SPAG16: variants seen among roughly 807,000 people sequenced by gnomAD.
SPAG16 encodes the protein sperm-associated antigen 16 protein.
Under a neutral mutation model 80.4 loss-of-function variants are expected in SPAG16, and 86 were observed. The ratio of observed to expected loss-of-function variants is 1.07; its 90% CI spans 0.90 to 1.28. The LOEUF (loss-of-function observed/expected upper bound fraction) is 1.28. Among genes scored for constraint, SPAG16 ranks in the 50% most tolerant of loss-of-function variants. The pLI is 0.00. For missense variants in SPAG16, 870 were observed against 765.3 expected, an observed-to-expected ratio of 1.14 and a Z score of -1.61; for synonymous variants, 294 against 265.9, an observed-to-expected ratio of 1.11 and a Z score of -1.03.
At chr2:214,310,216 T>C (rs1695198518) in intron 15 of SPAG16, among the ~76,000 whole-genome samples, 1 of 152,050 alleles carries the variant, frequency 6.6e-6, no homozygotes, top group Non-Finnish European at 1.5e-5. Flanking sequence ...TATATTTATT[T>C]TTTCCTCCCT....
intron 15 of SPAG16, among the ~76,000 whole-genome samples, chr2:214,333,664 G>A (rs1035084220): frequency 2.6e-5 from 4 of 152,184 alleles, no homozygotes; most frequent in Non-Finnish European, 5.9e-5. Flanking sequence ...TAGATTTCCT[G>A]TGCTTAGGTA....
intron 10 of SPAG16, among the ~76,000 whole-genome samples, chr2:213,712,440 C>A (rs968697145): frequency 6.6e-6 from 1 of 152,150 alleles, no homozygotes; most frequent in African/African-American, 2.4e-5. Context: ...ACACTGCAGA[C>A]AGTAGTCAGG....
chr2:213,669,658 A>C (rs187637829), intron 10 of SPAG16, among the ~76,000 whole-genome samples: 2 of 152,204 alleles, frequency 1.3e-5, no homozygotes, highest in African/African-American at 2.4e-5. Flanking sequence ...ATCTAGTCCT[A>C]TGGTTTTCAC....
At chr2:213,492,505 G>C (rs948550373) in intron 10 of SPAG16, among the ~76,000 whole-genome samples, 1 of 151,850 alleles carries the variant, frequency 6.6e-6, no homozygotes, top group Non-Finnish European at 1.5e-5. Context: ...AGCCAAGATC[G>C]TGCCACTGCC....
chr2:213,355,063 G>A (rs2065555965), intron 7 of SPAG16, among the ~76,000 whole-genome samples: 1 of 152,172 alleles, frequency 6.6e-6, no homozygotes, highest in Admixed American at 6.5e-5. Flanking sequence ...AAGGGATCCA[G>A]TTTCAGTTTT....
At chr2:213,757,309 A>G (rs1011358243) in intron 10 of SPAG16, among the ~76,000 whole-genome samples, 8 of 152,160 alleles carry the variant, frequency 5.3e-5, no homozygotes, top group African/African-American at 1.9e-4. Flanking sequence ...AATACCATCC[A>G]TATCAAAATA....
intron 10 of SPAG16, among the ~76,000 whole-genome samples, chr2:213,630,949 TGTG>T (rs1430004470): frequency 6.6e-6 from 1 of 152,180 alleles, no homozygotes; most frequent in Admixed American, 6.5e-5. Context: ...ATGGGGTTGT[TGTG>T]GTGGTGGCAC....
intron 10 of SPAG16, among the ~76,000 whole-genome samples, chr2:213,661,426 A>G (rs1574694720): frequency 6.6e-6 from 1 of 152,230 alleles, no homozygotes. Flanking sequence ...ATTTAATTTG[A>G]TAATCAGATT....
At chr2:213,369,753 A>C (rs2066529911) in intron 8 of SPAG16, among the ~76,000 whole-genome samples, 1 of 152,184 alleles carries the variant, frequency 6.6e-6, no homozygotes, top group South Asian at 2.1e-4. Flanking sequence ...TTTTAGGTTT[A>C]TAGCAAAATT....
At chr2:213,802,944 C>A (rs1460400772) in intron 10 of SPAG16, among the ~76,000 whole-genome samples, 1 of 151,572 alleles carries the variant, frequency 6.6e-6, no homozygotes, top group African/African-American at 2.4e-5. Flanking sequence ...TTATTCTGGG[C>A]AGCTACCATA....
At chr2:213,899,529 T>C (rs2106117077) in intron 11 of SPAG16, among the ~76,000 whole-genome samples, 1 of 152,232 alleles carries the variant, frequency 6.6e-6, no homozygotes, top group African/African-American at 2.4e-5. Flanking sequence ...TTAAAGCCTC[T>C]TCCAGGCTTG....
At chr2:214,196,690 T>G (rs1406415080) in intron 15 of SPAG16, among the ~76,000 whole-genome samples, 1 of 152,064 alleles carries the variant, frequency 6.6e-6, no homozygotes, top group Non-Finnish European at 1.5e-5. Context: ...TGGTTGAATT[T>G]TAAAACATGC....
chr2:214,128,829 T>C (rs1446060875), intron 14 of SPAG16, among the ~76,000 whole-genome samples: 4 of 151,816 alleles, frequency 2.6e-5, no homozygotes, highest in Non-Finnish European at 4.4e-5. Flanking sequence ...TGCTGTCAAG[T>C]TACTTAGAAA....
intron 10 of SPAG16, among the ~76,000 whole-genome samples, chr2:213,753,969 A>C (rs898368642): frequency 1.3e-5 from 2 of 152,230 alleles, no homozygotes; most frequent in Non-Finnish European, 2.9e-5. Flanking sequence ...AAGCCGTGAC[A>C]TAGGTTAGAA....
chr2:213,635,922 T>C (rs1176295027), intron 10 of SPAG16, among the ~76,000 whole-genome samples: 2 of 152,226 alleles, frequency 1.3e-5, no homozygotes, highest in African/African-American at 4.8e-5. Flanking sequence ...CTGCTGATTA[T>C]TTCTTGCTGT....
intron 13 of SPAG16, among the ~76,000 whole-genome samples, chr2:214,042,909 G>A (rs1331858582): frequency 6.6e-6 from 1 of 151,982 alleles, no homozygotes; most frequent in Non-Finnish European, 1.5e-5. Context: ...AAGGTTTTAT[G>A]GTCTATATAT....
intron 15 of SPAG16, among the ~76,000 whole-genome samples, chr2:214,394,483 A>G (rs1368990324): frequency 6.6e-6 from 1 of 152,156 alleles, no homozygotes; most frequent in Non-Finnish European, 1.5e-5. Context: ...TACTTTGAGC[A>G]CTTAGGATAA....
In SPAG16 at chr2:214,229,752, C is replaced by T. The variant is rs550441711; in HGVS notation, c.1720+80486C>T. Among the ~76,000 whole-genome samples, 8 of 151,868 alleles carry T rather than the reference C, an allele frequency of 5.3e-5. No individual in the cohort carries two copies. In the East Asian group the frequency reaches 1.5e-3, roughly 29 times the overall value. ...ACTTGATGCCCCTAGAAAATATTTA[C>T]AGTCAATACAAACATGGGAGACAGC... On this transcript the variant is annotated intron_variant, in intron 15 of 15. Transcript: ENST00000331683.
At chr2:214,115,384 T>C (rs2053881765) in intron 14 of SPAG16, among the ~76,000 whole-genome samples, 1 of 152,240 alleles carries the variant, frequency 6.6e-6, no homozygotes, top group Non-Finnish European at 1.5e-5. Flanking sequence ...GCCTTGCTCA[T>C]TACTTGGTGC....
Sources: gnomAD v4.1 joint callset for allele counts (sites outside exome capture counted in the v4.1 genomes callset) on GRCh38, gnomAD v4.1.1 for gene constraint, MANE v1.5 for transcripts, NCBI Gene and HGNC (gene_info 2026-07-23, HGNC 2026-07-21) for gene names.